The following DIAPH2 variants were observed in gnomAD, a reference collection of about 807,000 sequenced individuals.
The protein encoded by DIAPH2 is diaphanous related formin 2, also known as protein diaphanous homolog 2.
In DIAPH2, 35 loss-of-function variants were observed where a neutral mutation model predicts 92.7. The observed-to-expected ratio is 0.38, with a 90% CI of 0.29 to 0.50. DIAPH2 has a LOEUF of 0.50. DIAPH2 is among the 20% of genes least tolerant of loss of function. DIAPH2 has a pLI of 0.94. For synonymous variants in DIAPH2, 301 were observed against 280.4 expected, an observed-to-expected ratio of 1.07 and a Z score of -0.73; for missense variants, 701 against 819.5, an observed-to-expected ratio of 0.86 and a Z score of 1.77.
At chrX:97,218,258 A>G (rs750706201) in intron 22 of DIAPH2, among the ~76,000 whole-genome samples, 1 of 109,730 alleles carries the variant, frequency 9.1e-6, no homozygotes, top group Non-Finnish European at 1.9e-5. Context: ...CACAGCTAAT[A>G]TTTGTATTTT....
rs923167641 is a variant in DIAPH2 at position 97,493,392 on chromosome X, G to T, written c.3241+63647G>T. Among the ~76,000 whole-genome samples the T allele has an allele frequency of 1.3e-4, 14 of 110,953 alleles. No individual in the cohort carries two copies. The East Asian group carries it at 2.9e-3, about 23-fold the overall frequency. ...TTCTCCTGCCTCAGCCTCCTGAGTA[G>T]CTGGGATTACAGGCATGCGCCACCA... On this transcript the variant is annotated intron_variant, in intron 26 of 26. Coordinates refer to ENST00000324765, the MANE Select transcript of DIAPH2 (RefSeq NM_006729.5).
chrX:97,429,555 G>T (rs183286591), intron 25 of DIAPH2, 95 bp from the exon 26 acceptor site: 5 of 1,071,336 alleles, frequency 4.7e-6, no homozygotes, highest in African/African-American at 3.8e-5. Flanking sequence ...TAATTTAGGG[G>T]TATTATGTAA....
intron 26 of DIAPH2, among the ~76,000 whole-genome samples, chrX:97,466,134 A>T (rs1231036870): frequency 1.8e-5 from 2 of 112,179 alleles, no homozygotes; most frequent in African/African-American, 6.5e-5. Context: ...TGGCTCTGAA[A>T]TATTTGTTTT....
intron 5 of DIAPH2, among the ~76,000 whole-genome samples, chrX:96,902,092 T>G (rs746995147): frequency 6.2e-5 from 7 of 112,074 alleles, no homozygotes; most frequent in Non-Finnish European, 1.3e-4. Flanking sequence ...TGCATAGCTT[T>G]GAGGGTTCCT....
chrX:96,760,950 G>A (rs979920414), intron 4 of DIAPH2, among the ~76,000 whole-genome samples: 2 of 111,257 alleles, frequency 1.8e-5, no homozygotes, highest in African/African-American at 3.2e-5. Context: ...TGTAGGAAGC[G>A]TAGTTATGGA....
intron 26 of DIAPH2, among the ~76,000 whole-genome samples, chrX:97,489,417 A>G (rs2070710351): frequency 9.1e-6 from 1 of 110,135 alleles, no homozygotes; most frequent in Admixed American, 9.7e-5. Context: ...CCCAATTTTA[A>G]TGTCTTTTAT....
chrX:97,316,505 A>C (rs1342128442), intron 23 of DIAPH2, among the ~76,000 whole-genome samples: 2 of 106,540 alleles, frequency 1.9e-5, no homozygotes, highest in African/African-American at 3.5e-5. Context: ...AAAAAAAAAA[A>C]ACTAGCCGGG....
At chrX:97,548,260 T>C (rs751729743) in intron 26 of DIAPH2, among the ~76,000 whole-genome samples, 7 of 112,322 alleles carry the variant, frequency 6.2e-5, no homozygotes, top group African/African-American at 1.9e-4. Context: ...TTTTGGTCGA[T>C]GCACAATTTT....
chrX:97,596,644 A>G lies in DIAPH2; in HGVS notation c.3242-2609A>G, dbSNP rs558505143. 6.3e-5 allele frequency among the ~76,000 whole-genome samples: 7 copies of G among 111,530 alleles called. No individual in the cohort carries two copies. In the South Asian group the frequency reaches 1.1e-3, roughly 18 times the overall value. On this transcript the variant is annotated intron_variant, in intron 26 of 26. Coordinates refer to ENST00000324765, the MANE Select transcript of DIAPH2 (RefSeq NM_006729.5). ...ATACAATCATGGCCACTATCACCCA[A>G]ATTAATGTATATCACCTCTGGCAGC...
intron 17 of DIAPH2, among the ~76,000 whole-genome samples, chrX:96,991,118 CTTT>C (rs778658714): frequency 9.8e-6 from 1 of 102,018 alleles, no homozygotes. Context: ...ATTAGTCCCT[CTTT>C]TTTTTTTTTT....
intron 4 of DIAPH2, among the ~76,000 whole-genome samples, chrX:96,802,769 G>A (rs1175608640): frequency 9.0e-6 from 1 of 111,284 alleles, no homozygotes; most frequent in Non-Finnish European, 1.9e-5. Context: ...GTGAAGTCCC[G>A]CAATAGGCCA....
At chrX:97,253,207 G>A (rs1463509052) in intron 23 of DIAPH2, among the ~76,000 whole-genome samples, 1 of 108,716 alleles carries the variant, frequency 9.2e-6, no homozygotes, top group Admixed American at 1.0e-4. Context: ...AGAATCACTT[G>A]AACCTGGCAG....
At chrX:97,004,935 G>T (rs2066169787) in intron 17 of DIAPH2, among the ~76,000 whole-genome samples, 1 of 111,516 alleles carries the variant, frequency 9.0e-6, no homozygotes, top group African/African-American at 3.3e-5. Flanking sequence ...GCTAGCTGTT[G>T]GTCTGTCATA....
At chrX:96,928,537 T>C (rs899908647) in intron 9 of DIAPH2, among the ~76,000 whole-genome samples, 9 of 111,679 alleles carry the variant, frequency 8.1e-5, no homozygotes, top group Non-Finnish European at 1.7e-4. Flanking sequence ...CATAAAGGAA[T>C]AGCAAAAATT....
chrX:97,180,590 C>A (rs1267472437), intron 22 of DIAPH2, among the ~76,000 whole-genome samples: 2 of 111,713 alleles, frequency 1.8e-5, no homozygotes, highest in African/African-American at 6.5e-5. Flanking sequence ...ATGCCTATGT[C>A]CTGAATGGTA....
At chrX:97,226,881 T>G (rs2147522299) in intron 22 of DIAPH2, among the ~76,000 whole-genome samples, 1 of 111,980 alleles carries the variant, frequency 8.9e-6, no homozygotes, top group East Asian at 2.8e-4. Context: ...TATTAAAATT[T>G]ATGTCACCTT....
intron 18 of DIAPH2, among the ~76,000 whole-genome samples, chrX:97,074,404 CAAAAAAAGA>C (rs1450698889): frequency 1.8e-5 from 2 of 109,209 alleles, no homozygotes; most frequent in Admixed American, 9.7e-5. Context: ...GAAACTGTCT[CAAAAAAAGA>C]AAAAAAAGAA....
At chrX:96,780,613 C>G (rs1485179987) in intron 4 of DIAPH2, among the ~76,000 whole-genome samples, 1 of 109,772 alleles carries the variant, frequency 9.1e-6, no homozygotes, top group Non-Finnish European at 1.9e-5. Context: ...TCCCAAGTAA[C>G]TGGGACTATA....
chrX:97,128,604 TTTG>T (rs2067109800), intron 21 of DIAPH2, among the ~76,000 whole-genome samples: 1 of 112,024 alleles, frequency 8.9e-6, no homozygotes, highest in African/African-American at 3.2e-5. Context: ...TTAGATGAAC[TTTG>T]TTGTTTGTAT....
Sources: gnomAD v4.1 joint callset for allele counts (sites outside exome capture counted in the v4.1 genomes callset) on GRCh38, gnomAD v4.1.1 for gene constraint, MANE v1.5 for transcripts, NCBI Gene and HGNC (gene_info 2026-07-23, HGNC 2026-07-21) for gene names.